Variants in SNX29 observed in about 807,000 individuals in gnomAD.
SNX29 encodes the protein sorting nexin-29.
A neutral mutation model predicts 102.1 loss-of-function variants in SNX29; 78 were observed. The ratio of observed to expected loss-of-function variants is 0.76; its 90% confidence interval spans 0.64 to 0.92. The LOEUF (loss-of-function observed/expected upper bound fraction) is 0.92, where lower values mean the gene tolerates loss of function less well. SNX29 is among the 40% of genes least tolerant of loss of function. SNX29 has a pLI of 0.00. For missense variants in SNX29, 1,280 were observed against 1,061.7 expected, an observed-to-expected ratio of 1.21 and a Z score of -2.86; for synonymous variants, 580 against 414.5, an observed-to-expected ratio of 1.40 and a Z score of -4.85.
intron 14 of SNX29, among the ~76,000 whole-genome samples, chr16:12,251,262 G>A (rs764027558): frequency 4.6e-5 from 7 of 152,226 alleles, no homozygotes; most frequent in Non-Finnish European, 8.8e-5. Context: ...CTTTAAATGA[G>A]CTAATGTGTG....
intron 10 of SNX29, among the ~76,000 whole-genome samples, chr16:12,069,503 G>A (rs7194778): frequency 0.32 from 48,703 of 151,920 alleles, 7,907 homozygotes; most frequent in African/African-American, 0.38. Context: ...CCTGACCTCA[G>A]GTGATCTGCC....
chr16:11,983,235 ATTTTTTTTTTTT>A (rs557542669), intron 1 of SNX29, among the ~76,000 whole-genome samples: 4 of 129,620 alleles, frequency 3.1e-5, no homozygotes, highest in African/African-American at 1.2e-4. Context: ...CTGGGTTACA[ATTTTTTTTTTTT>A]TTTTTTTTTT....
At chr16:12,427,040 G>C (rs1314674536) in intron 18 of SNX29, among the ~76,000 whole-genome samples, 1 of 152,162 alleles carries the variant, frequency 6.6e-6, no homozygotes, top group Admixed American at 6.5e-5. Context: ...GGAGAAGCAG[G>C]TAACAAAAGA....
intron 20 of SNX29, among the ~76,000 whole-genome samples, chr16:12,551,495 C>A (rs531099695): frequency 2.4e-4 from 37 of 152,296 alleles, no homozygotes; most frequent in African/African-American, 7.9e-4. Context: ...CAACATTAAT[C>A]TTTGGGCCTC....
At chr16:11,986,047 C>G (rs2055609313) in intron 1 of SNX29, among the ~76,000 whole-genome samples, 1 of 151,960 alleles carries the variant, frequency 6.6e-6, no homozygotes, top group Non-Finnish European at 1.5e-5. Flanking sequence ...TCAGGTGATT[C>G]ACTGACCTCG....
chr16:12,472,138 G>T (rs747881308), intron 18 of SNX29, among the ~76,000 whole-genome samples: 17 of 152,192 alleles, frequency 1.1e-4, no homozygotes, highest in Non-Finnish European at 2.4e-4. Context: ...GCCATACACA[G>T]AAACACAGCT....
At chr16:11,995,646 T>TAA (rs533184003) in intron 1 of SNX29, among the ~76,000 whole-genome samples, 134 of 125,158 alleles carry the variant, frequency 1.1e-3, no homozygotes, top group Admixed American at 2.7e-3. Context: ...AAAATACTCT[T>TAA]AAAAAAAAAA....
At chr16:11,980,532 G>T (rs2055391709) in intron 1 of SNX29, among the ~76,000 whole-genome samples, 1 of 152,152 alleles carries the variant, frequency 6.6e-6, no homozygotes, top group Non-Finnish European at 1.5e-5. Context: ...ATGTTTGTAA[G>T]AGTGGAATTG....
chr16:12,345,961 G>A (rs1017686050), intron 15 of SNX29, among the ~76,000 whole-genome samples: 7 of 152,070 alleles, frequency 4.6e-5, no homozygotes, highest in Non-Finnish European at 8.8e-5. Context: ...ACACAGTCCC[G>A]TCAGCTTCAG....
intron 15 of SNX29, among the ~76,000 whole-genome samples, chr16:12,280,887 G>A (rs2079409269): frequency 1.3e-5 from 2 of 152,150 alleles, no homozygotes; most frequent in South Asian, 4.1e-4. Context: ...GAAGGGCAAA[G>A]GAAGAAGAAG....
At chr16:12,248,306 G>T (rs16959086) in intron 14 of SNX29, among the ~76,000 whole-genome samples, 1,963 of 151,920 alleles carry the variant, frequency 0.013, 44 homozygotes, top group African/African-American at 0.044. Context: ...CATCTTGGGT[G>T]GTCCCTTGCT....
intron 15 of SNX29, among the ~76,000 whole-genome samples, chr16:12,326,250 G>A (rs1421683324): frequency 6.6e-6 from 1 of 151,910 alleles, no homozygotes; most frequent in African/African-American, 2.4e-5. Context: ...GACCTCTCAG[G>A]TGATCTGCCC....
chr16:12,498,237 C>T (rs1388447550), intron 19 of SNX29, among the ~76,000 whole-genome samples: 1 of 152,164 alleles, frequency 6.6e-6, no homozygotes, highest in Non-Finnish European at 1.5e-5. Context: ...GAGAAGTCAG[C>T]ATGTCCCACT....
rs187964794 is a variant in SNX29 at position 12,237,590 on chromosome 16, G to A, written c.1678+37907G>A. Reference sequence around the variant, plus strand: ...GTTTGAGACCAGACTGGGCAACATGGTGAAACCCCCGTCTCTACTAAAAAT... The same window carrying A: ...GTTTGAGACCAGACTGGGCAACATGATGAAACCCCCGTCTCTACTAAAAAT... On this transcript the variant is annotated intron_variant, in intron 14 of 20. Transcript: ENST00000566228. 1.1e-3 allele frequency among the ~76,000 whole-genome samples: 165 copies of A among 152,016 alleles called. 3 individuals carry two copies. The highest frequency in any genetic ancestry group is 5.0e-3 in the Admixed American group (77 of 15,300).
rs543412077 is a variant in SNX29 at position 12,352,979 on chromosome 16, A to G, written c.1783-3184A>G. On this transcript the variant is annotated intron_variant, in intron 15 of 20. Coordinates refer to ENST00000566228, the MANE Select transcript of SNX29 (RefSeq NM_032167.5). ...TGCCTGGTGGGGATATAGGCGTGGGATATAGGCGTTGGATATGGCATGGGA... is the reference window on the plus strand; with the variant it reads ...TGCCTGGTGGGGATATAGGCGTGGGGTATAGGCGTTGGATATGGCATGGGA... Among the ~76,000 whole-genome samples the G allele has an allele frequency of 2.0e-5, 3 of 146,600 alleles. No individual in the cohort carries two copies. The South Asian group carries it at 6.2e-4, about 30-fold the overall frequency.
intron 20 of SNX29, among the ~76,000 whole-genome samples, chr16:12,533,677 A>T (rs572307492): frequency 6.6e-6 from 1 of 152,066 alleles, no homozygotes; most frequent in Non-Finnish European, 1.5e-5. Flanking sequence ...AGGCACCCCA[A>T]ATTTACCTCT....
At chr16:12,552,374 C>G (rs1597957845) in intron 20 of SNX29, among the ~76,000 whole-genome samples, 1 of 152,200 alleles carries the variant, frequency 6.6e-6, no homozygotes, top group African/African-American at 2.4e-5. Context: ...ACGTGTAAGA[C>G]AGCAAGCATG....
At chr16:12,538,427 A>G (rs1237545170) in intron 20 of SNX29, among the ~76,000 whole-genome samples, 6 of 152,164 alleles carry the variant, frequency 3.9e-5, no homozygotes, top group African/African-American at 1.4e-4. Context: ...GGGAGTAATA[A>G]CTGAGAATGG....
At chr16:12,271,614 T>C (rs1405262271) in intron 14 of SNX29, among the ~76,000 whole-genome samples, 3 of 151,536 alleles carry the variant, frequency 2.0e-5, no homozygotes. Flanking sequence ...GAATGTAATA[T>C]ATTGGAACCA....
Sources: allele counts gnomAD v4.1 joint callset (sites outside exome capture counted in the v4.1 genomes callset), GRCh38; gene constraint gnomAD v4.1.1; transcripts MANE v1.5; gene names NCBI Gene and HGNC (gene_info 2026-07-23, HGNC 2026-07-21).